The following BEAN1 variants were observed in gnomAD, a reference collection of about 807,000 sequenced individuals.
BEAN1 encodes brain expressed associated with NEDD4 1, also known as protein BEAN1.
BEAN1 carries 17 observed loss-of-function variants against 17.7 expected under a neutral mutation model. That is an observed-to-expected ratio of 0.96 (90% confidence interval 0.66 to 1.44). The LOEUF (loss-of-function observed/expected upper bound fraction) is 1.44, where lower values mean the gene tolerates loss of function less well. Among genes scored for constraint, BEAN1 ranks in the 40% most tolerant of loss-of-function variants. The pLI is 0.00. For synonymous variants in BEAN1, 142 were observed against 151.8 expected, an observed-to-expected ratio of 0.94 and a Z score of 0.47; for missense variants, 359 against 374.1, an observed-to-expected ratio of 0.96 and a Z score of 0.33.
At chr16:66,456,247 A>G (rs184556726) in intron 2 of BEAN1, among the ~76,000 whole-genome samples, 1 of 152,374 alleles carries the variant, frequency 6.6e-6, no homozygotes, top group African/African-American at 2.4e-5. Flanking sequence ...CGCAGCATTC[A>G]TGAATTTAAC....
At chr16:66,472,210 C>A (rs879714881) in intron 3 of BEAN1, among the ~76,000 whole-genome samples, 19 of 152,252 alleles carry the variant, frequency 1.2e-4, no homozygotes, top group Admixed American at 1.2e-3. Context: ...AGGTGTCCCC[C>A]TCCTCTGTAC....
chr16:66,491,764 G>A (rs1964178814), intron 4 of BEAN1, among the ~76,000 whole-genome samples: 1 of 152,164 alleles, frequency 6.6e-6, no homozygotes, highest in African/African-American at 2.4e-5. Flanking sequence ...GTTCACAATA[G>A]GGTTCCACTC....
chr16:66,474,671 AAAG>A (rs1196141390), intron 3 of BEAN1, among the ~76,000 whole-genome samples: 1 of 147,738 alleles, frequency 6.8e-6, no homozygotes, highest in African/African-American at 2.5e-5. Flanking sequence ...AGAGAGAAAG[AAAG>A]AAGAAAGAGA....
At chr16:66,428,282 G>A (rs1961657681) in intron 1 of BEAN1, 1 of 152,516 alleles carries the variant, frequency 6.6e-6, no homozygotes, top group African/African-American at 2.4e-5. Context: ...TGTCCATCTC[G>A]GGCGGGTGCC....
chr16:66,485,327 G>C (rs150972003), downstream of BEAN1: 37 of 356,948 alleles, frequency 1.0e-4, no homozygotes, highest in Non-Finnish European at 1.4e-4. Context: ...TTCTCACTTA[G>C]AGCTTGTGCA....
At position 66,480,915 on chromosome 16, in the gene BEAN1, G is replaced by A; in HGVS notation, c.770G>A (p.Arg257Lys). Reference protein sequence around the residue: ...PTRAPASGPERIV With the variant: ...PTRAPASGPEKIV ...CGGGCCCCAGCCTCTGGCCCAGAGAGGATTGTGTGAGGGACCCAGCCAGCC... is the reference window on the plus strand; with the variant it reads ...CGGGCCCCAGCCTCTGGCCCAGAGAAGATTGTGTGAGGGACCCAGCCAGCC... Residue 257 changes from arginine (R) to lysine (K), a missense_variant, in exon 5 of 5, where the codon AGG (arginine) becomes AAG (lysine). Coordinates refer to ENST00000536005, the MANE Select transcript of BEAN1 (RefSeq NM_001178020.3). 6.9e-7 allele frequency: 1 copy of A among 1,450,474 alleles called. No homozygotes were observed. The highest frequency in any genetic ancestry group is 9.1e-7 in the Non-Finnish European group (1 of 1,097,964). 89.9% of individuals were successfully genotyped at this position (1,450,474 alleles called of 1,614,324 possible).
chr16:66,474,581 A>AGGGAGGGAGAGAGGGAGGGAGG (rs1567504998), intron 3 of BEAN1, among the ~76,000 whole-genome samples: 1 of 16,710 alleles, frequency 6.0e-5, no homozygotes, highest in Non-Finnish European at 9.4e-5. Flanking sequence ...AGGGAGGGAG[A>AGGGAGGGAGAGAGGGAGGGAGG]GAGGGAGGGA....
At chr16:66,433,162 G>A (rs1961869093) in intron 1 of BEAN1, among the ~76,000 whole-genome samples, 1 of 152,010 alleles carries the variant, frequency 6.6e-6, no homozygotes, top group African/African-American at 2.4e-5. Context: ...AGGCTGGAGT[G>A]CAGTAGTGCA....
chr16:66,489,975 C>G (rs560841810), intron 4 of BEAN1, among the ~76,000 whole-genome samples: 5 of 151,904 alleles, frequency 3.3e-5, no homozygotes, highest in Admixed American at 2.0e-4. Flanking sequence ...CCAGCTGTGA[C>G]GAGCCCAGGT....
chr16:66,433,877 G>A (rs2142372440), intron 1 of BEAN1, among the ~76,000 whole-genome samples: 1 of 152,316 alleles, frequency 6.6e-6, no homozygotes, highest in Non-Finnish European at 1.5e-5. Context: ...TCTGCCATGA[G>A]GATCCCCAGA....
chr16:66,490,369 C>T (rs926164851), intron 4 of BEAN1, among the ~76,000 whole-genome samples: 1 of 82,436 alleles, frequency 1.2e-5, no homozygotes, highest in African/African-American at 3.5e-5. Flanking sequence ...TGCACTCCAG[C>T]CTGGGCAACA....
At chr16:66,457,227 CG>C (rs1962902816) in intron 2 of BEAN1, among the ~76,000 whole-genome samples, 1 of 152,006 alleles carries the variant, frequency 6.6e-6, no homozygotes, top group Non-Finnish European at 1.5e-5. Flanking sequence ...GGATGAATGA[CG>C]GATGGATGGA....
At chr16:66,458,858 G>A (rs1962972734) in intron 2 of BEAN1, among the ~76,000 whole-genome samples, 1 of 152,188 alleles carries the variant, frequency 6.6e-6, no homozygotes, top group Admixed American at 6.5e-5. Context: ...GGAGTTCCCA[G>A]TCCCAGCCCT....
chr16:66,449,597 A>G (rs1186459032), intron 2 of BEAN1, among the ~76,000 whole-genome samples: 1 of 100,366 alleles, frequency 1.0e-5, no homozygotes, highest in Non-Finnish European at 1.9e-5. Context: ...GCAGAGTGAG[A>G]CTCCATCTCA....
At position 66,477,628 on chromosome 16, in the gene BEAN1, T is replaced by C. The variant is rs1245946190; in HGVS notation, c.358T>C (p.Trp120Arg). ...MRYACSSSED[W>R]PPPLDISSDG... ...CTATGCCTGCAGCTCCTCAGAGGAC[T>C]GGCCCCCACCCTTGGACATCAGCTC... The change falls in exon 4 of 5, where the codon TGG becomes CGG. Residue 120 changes from tryptophan (W) to arginine (R), a missense_variant. Trp to Arg is a moderately radical substitution (Grantham distance 101). Coordinates refer to ENST00000536005, the MANE Select transcript of BEAN1 (RefSeq NM_001178020.3). 7 of 1,551,192 alleles carry C rather than the reference T, an allele frequency of 4.5e-6. No homozygotes were observed. Among genetic ancestry groups the C allele is most frequent in the Non-Finnish European group, 6.1e-6 (7 of 1,146,850 alleles).
chr16:66,437,573 C>T, intron 1 of BEAN1, 22 bp from the exon 2 acceptor site: 2 of 1,373,854 alleles, frequency 1.5e-6, no homozygotes, highest in South Asian at 1.3e-5. Flanking sequence ...CCCCCAACAC[C>T]TGCCTGTTTG....
At chr16:66,428,251 G>C (rs868500665) in intron 1 of BEAN1, 1 of 152,626 alleles carries the variant, frequency 6.6e-6, no homozygotes, top group East Asian at 1.9e-4. Context: ...GCTGGAGAGC[G>C]GTGAGGACCA....
chr16:66,492,340 C>T (rs1233228253), intron 4 of BEAN1, among the ~76,000 whole-genome samples: 1 of 152,010 alleles, frequency 6.6e-6, no homozygotes, highest in Non-Finnish European at 1.5e-5. Flanking sequence ...TCACACTCGG[C>T]CCCTACCAGA....
chr16:66,452,289 C>T (rs1962700410), intron 2 of BEAN1, among the ~76,000 whole-genome samples: 1 of 152,178 alleles, frequency 6.6e-6, no homozygotes, highest in Non-Finnish European at 1.5e-5. Flanking sequence ...GGAATAAGCC[C>T]TAGTATACTA....
Sources: allele counts gnomAD v4.1 joint callset (sites outside exome capture counted in the v4.1 genomes callset), GRCh38; gene constraint gnomAD v4.1.1; transcripts MANE v1.5; gene names NCBI Gene and HGNC (gene_info 2026-07-23, HGNC 2026-07-21).